Variants in NEDD9 observed in about 807,000 individuals in gnomAD.
The protein encoded by NEDD9 is neural precursor cell expressed, developmentally down-regulated 9, also known as enhancer of filamentation 1.
Under a neutral mutation model 76.6 loss-of-function variants are expected in NEDD9, and 26 were observed. The ratio of observed to expected loss-of-function variants is 0.34; its 90% CI spans 0.25 to 0.47. The LOEUF is 0.47. NEDD9 is among the 20% of genes least tolerant of loss of function. The pLI, the probability that NEDD9 is intolerant of heterozygous loss-of-function variation, is 1.00. For synonymous variants in NEDD9, 392 were observed against 414.2 expected, an observed-to-expected ratio of 0.95 and a Z score of 0.65; for missense variants, 937 against 1,058.5, an observed-to-expected ratio of 0.89 and a Z score of 1.59.
At chr6:11,342,855 T>A (rs1359532284) in intron 1 of NEDD9, among the ~76,000 whole-genome samples, 3 of 152,206 alleles carry the variant, frequency 2.0e-5, no homozygotes, top group Non-Finnish European at 4.4e-5. Flanking sequence ...GAAGCCACAT[T>A]CAAAAGACTT....
chr6:11,335,799 G>T (rs1055723358), intron 1 of NEDD9, among the ~76,000 whole-genome samples: 4 of 152,144 alleles, frequency 2.6e-5, no homozygotes, highest in African/African-American at 9.7e-5. Context: ...TAGTTATAAG[G>T]ATCTAAAATT....
chr6:11,353,131 T>G (rs578009807), intron 1 of NEDD9, among the ~76,000 whole-genome samples: 123 of 152,372 alleles, frequency 8.1e-4, no homozygotes, highest in African/African-American at 2.9e-3. Context: ...GATCCCCTTT[T>G]TGGTTGACCA....
At chr6:11,218,764 G>A (rs998207326) in intron 1 of NEDD9, among the ~76,000 whole-genome samples, 1 of 152,186 alleles carries the variant, frequency 6.6e-6, no homozygotes, top group Non-Finnish European at 1.5e-5. Context: ...GAACCAGAAA[G>A]AGAAATGTCA....
At chr6:11,346,127 T>C (rs1762359794) in intron 1 of NEDD9, among the ~76,000 whole-genome samples, 1 of 152,250 alleles carries the variant, frequency 6.6e-6, no homozygotes, top group South Asian at 2.1e-4. Context: ...CATTAGCATA[T>C]AAGCTCCATG....
At chr6:11,253,051 T>A (rs1300554172) in intron 3 of NEDD9, among the ~76,000 whole-genome samples, 1 of 152,160 alleles carries the variant, frequency 6.6e-6, no homozygotes, top group African/African-American at 2.4e-5. Flanking sequence ...GTCTTAATGA[T>A]CTAGGGGTCT....
chr6:11,191,299 T>A lies in NEDD9; in HGVS notation c.664-94A>T, dbSNP rs3734403. 1.0e-4 allele frequency: 139 copies of A among 1,338,728 alleles called. No homozygotes were observed. In the East Asian group the frequency reaches 3.1e-3, roughly 30 times the overall value. The allele number at this position is 1,338,728 out of a possible 1,614,324, so 82.9% of individuals were successfully genotyped here. On this transcript the variant is annotated intron_variant, in intron 4 of 6. Transcript: ENST00000379446. ...CTCAGTCCTATTTGCTGGCACTTTT[T>A]CGGTCGCCCTCCCCCGCCCCAATGT... is the stretch of plus-strand genomic sequence containing the variant.
intron 3 of NEDD9, among the ~76,000 whole-genome samples, chr6:11,262,804 A>G (rs1760139381): frequency 6.6e-6 from 1 of 152,264 alleles, no homozygotes; most frequent in Non-Finnish European, 1.5e-5. Context: ...CATGGAATTC[A>G]GGTAAATTAT....
intron 3 of NEDD9, among the ~76,000 whole-genome samples, chr6:11,281,708 C>A (rs1175733442): frequency 6.6e-6 from 1 of 151,970 alleles, no homozygotes; most frequent in Non-Finnish European, 1.5e-5. Context: ...TATGTTTGAG[C>A]CAATGAGATA....
intron 2 of NEDD9, among the ~76,000 whole-genome samples, chr6:11,331,272 G>T (rs1323075493): frequency 1.3e-5 from 2 of 151,040 alleles, no homozygotes; most frequent in South Asian, 2.1e-4. Context: ...AAATTGTTCT[G>T]TCCAGAGAGA....
At chr6:11,340,381 A>C (rs1477583083) in intron 1 of NEDD9, among the ~76,000 whole-genome samples, 1 of 152,202 alleles carries the variant, frequency 6.6e-6, no homozygotes, top group Non-Finnish European at 1.5e-5. Context: ...AATAGTTAAC[A>C]TTTGTAGAAC....
chr6:11,278,052 C>T (rs918294110), intron 3 of NEDD9, among the ~76,000 whole-genome samples: 1 of 152,150 alleles, frequency 6.6e-6, no homozygotes, highest in Non-Finnish European at 1.5e-5. Context: ...GAATGGGAGT[C>T]GGGTGCTTCC....
intron 2 of NEDD9, among the ~76,000 whole-genome samples, chr6:11,319,394 ACACACTCATG>A (rs1761690901): frequency 6.6e-6 from 1 of 151,658 alleles, no homozygotes; most frequent in African/African-American, 2.4e-5. Context: ...TCACACTCAC[ACACACTCATG>A]CACCCTCACA....
At chr6:11,352,482 T>G (rs1352264737) in intron 1 of NEDD9, 1 of 152,192 alleles carries the variant, frequency 6.6e-6, no homozygotes, top group East Asian at 1.9e-4. Context: ...AGCATAATCA[T>G]TTGGTTTCTT....
At chr6:11,297,783 T>C (rs1760933213) in intron 3 of NEDD9, among the ~76,000 whole-genome samples, 1 of 152,192 alleles carries the variant, frequency 6.6e-6, no homozygotes, top group Non-Finnish European at 1.5e-5. Context: ...CTCATTCTCA[T>C]ATTGTAGATG....
intron 1 of NEDD9, among the ~76,000 whole-genome samples, chr6:11,353,827 G>T (rs1446603386): frequency 6.6e-6 from 1 of 152,190 alleles, no homozygotes; most frequent in Non-Finnish European, 1.5e-5. Flanking sequence ...AAGAAGAAAA[G>T]AAAATTGCCT....
At chr6:11,186,386 T>G (rs888204204) in intron 6 of NEDD9, among the ~76,000 whole-genome samples, 1 of 152,216 alleles carries the variant, frequency 6.6e-6, no homozygotes, top group Non-Finnish European at 1.5e-5. Flanking sequence ...GCTGGCTTTC[T>G]TCCTTCTTTC....
intron 4 of NEDD9, 74 bp downstream of exon 4, chr6:11,192,271 T>TCCC: frequency 4.6e-6 from 1 of 215,750 alleles, no homozygotes; most frequent in Non-Finnish European, 9.3e-6. Context: ...TTACCCACCC[T>TCCC]CCCAACCCTG....
At chr6:11,261,680 C>T (rs1330137876) in intron 3 of NEDD9, among the ~76,000 whole-genome samples, 1 of 152,166 alleles carries the variant, frequency 6.6e-6, no homozygotes, top group Non-Finnish European at 1.5e-5. Context: ...TTTATGGGAA[C>T]AATCAGAGAG....
chr6:11,310,355 C>G (rs982759501), intron 2 of NEDD9, among the ~76,000 whole-genome samples: 6 of 152,204 alleles, frequency 3.9e-5, no homozygotes, highest in Non-Finnish European at 7.4e-5. Context: ...CTACTTCACC[C>G]TCCTCTTGCC....
Sources: allele counts gnomAD v4.1 joint callset (sites outside exome capture counted in the v4.1 genomes callset), GRCh38; gene constraint gnomAD v4.1.1; transcripts MANE v1.5; gene names NCBI Gene and HGNC (gene_info 2026-07-23, HGNC 2026-07-21).